The following KHDRBS3 variants were observed in gnomAD, a reference collection of about 807,000 sequenced individuals.
KHDRBS3 encodes KH RNA binding domain containing, signal transduction associated 3, also known as KH domain-containing, RNA-binding, signal transduction-associated protein 3.
KHDRBS3 carries 23 observed loss-of-function variants against 45.6 expected under a neutral mutation model. The observed-to-expected ratio is 0.50, with a 90% confidence interval of 0.36 to 0.72. The LOEUF (loss-of-function observed/expected upper bound fraction) is 0.72, where lower values mean the gene tolerates loss of function less well. Among genes scored for constraint, KHDRBS3 ranks in the 30% least tolerant of loss-of-function variants. The pLI, the probability that KHDRBS3 is intolerant of heterozygous loss-of-function variation, is 0.00. For synonymous variants in KHDRBS3, 162 were observed against 156.5 expected (o/e 1.04, Z -0.26); for missense variants, 352 against 424.8 (o/e 0.83, Z 1.51).
chr8:135,646,391 A>T (rs1831289683), intron 8 of KHDRBS3, among the ~76,000 whole-genome samples: 1 of 152,178 alleles, frequency 6.6e-6, no homozygotes, highest in African/African-American at 2.4e-5. Flanking sequence ...ATCTGACATT[A>T]TGTCGTTAAA....
intron 2 of KHDRBS3, among the ~76,000 whole-genome samples, chr8:135,535,736 T>G (rs1825713706): frequency 6.6e-6 from 1 of 152,198 alleles, no homozygotes; most frequent in Admixed American, 6.5e-5. Context: ...CATGAAATAT[T>G]TGAGACTGAG....
At position 135,640,390 on chromosome 8, in the gene KHDRBS3, C is replaced by T. The variant is rs73713806; in HGVS notation, c.891-4669C>T. Among the ~76,000 whole-genome samples the T allele has an allele frequency of 8.7e-3, 1,322 of 152,206 alleles. 13 individuals are homozygous for T. Among genetic ancestry groups the T allele is most frequent in the African/African-American group, 0.024 (979 of 41,508 alleles). Reference sequence around the variant, plus strand: ...AGAGGTGGGATGACCTGGGGAAGGTCGACTTCATCCCACTTGAGTCCTTGC... The same window carrying T: ...AGAGGTGGGATGACCTGGGGAAGGTTGACTTCATCCCACTTGAGTCCTTGC... On this transcript the variant is annotated intron_variant, in intron 7 of 8. Coordinates refer to ENST00000355849, the MANE Select transcript of KHDRBS3 (RefSeq NM_006558.3).
chr8:135,464,253 A>G (rs1159641047), intron 1 of KHDRBS3, among the ~76,000 whole-genome samples: 1 of 152,244 alleles, frequency 6.6e-6, no homozygotes, highest in East Asian at 1.9e-4. Flanking sequence ...GTTACTGAAA[A>G]TGTGTTTTAC....
At position 135,534,003 on chromosome 8, in the gene KHDRBS3, G is replaced by A. The variant is rs142100355; in HGVS notation, c.208-8651G>A. ...CTGGAAATAAAGTTTCCTACTGCAC[G>A]TGTTTTGCTTTCACACCATCATAAA... On this transcript the variant is annotated intron_variant, in intron 2 of 8. Transcript: ENST00000355849. Among the ~76,000 whole-genome samples, 168 of 152,266 alleles carry A rather than the reference G, an allele frequency of 1.1e-3. 2 individuals carry two copies. The Middle Eastern group carries it at 0.014, about 12-fold the overall frequency.
chr8:135,630,760 A>G (rs923393238), intron 7 of KHDRBS3, among the ~76,000 whole-genome samples: 2 of 152,150 alleles, frequency 1.3e-5, no homozygotes, highest in African/African-American at 4.8e-5. Context: ...TAGAAAAGAT[A>G]CAGTAAAAAT....
At chr8:135,481,615 C>T (rs1361164947) in intron 1 of KHDRBS3, among the ~76,000 whole-genome samples, 2 of 152,168 alleles carry the variant, frequency 1.3e-5, no homozygotes, top group Admixed American at 6.5e-5. Flanking sequence ...GTCTACCAGC[C>T]AAATAATTTC....
At chr8:135,469,020 C>T (rs1821841742) in intron 1 of KHDRBS3, among the ~76,000 whole-genome samples, 1 of 152,206 alleles carries the variant, frequency 6.6e-6, no homozygotes, top group Non-Finnish European at 1.5e-5. Context: ...CAAGGCATAG[C>T]CATACTGCAG....
chr8:135,516,128 G>T (rs1713052616), intron 1 of KHDRBS3, among the ~76,000 whole-genome samples: 1 of 152,168 alleles, frequency 6.6e-6, no homozygotes, highest in African/African-American at 2.4e-5. Flanking sequence ...AGTACTGTAG[G>T]CAGTTGTAAC....
chr8:135,529,574 G>C (rs560421626), intron 2 of KHDRBS3, among the ~76,000 whole-genome samples: 1 of 152,086 alleles, frequency 6.6e-6, no homozygotes, highest in South Asian at 2.1e-4. Context: ...ATATATTGAG[G>C]GGTTCCTGAA....
intron 7 of KHDRBS3, among the ~76,000 whole-genome samples, chr8:135,609,569 A>C (rs143569670): frequency 6.6e-6 from 1 of 152,116 alleles, no homozygotes; most frequent in Non-Finnish European, 1.5e-5. Flanking sequence ...AGCTGGGATT[A>C]CAGGTGTGAG....
intron 5 of KHDRBS3, among the ~76,000 whole-genome samples, chr8:135,560,978 C>T (rs1373867216): frequency 6.6e-6 from 1 of 152,194 alleles, no homozygotes; most frequent in African/African-American, 2.4e-5. Flanking sequence ...TCCTTGGTCC[C>T]AAGTCCTTTA....
downstream of KHDRBS3, among the ~76,000 whole-genome samples, chr8:135,651,611 T>C (rs1454714191): frequency 1.3e-5 from 2 of 152,154 alleles, no homozygotes; most frequent in African/African-American, 4.8e-5. Context: ...AAGCTTGGCC[T>C]ACTCCATTCC....
intron 6 of KHDRBS3, among the ~76,000 whole-genome samples, chr8:135,595,096 A>T (rs1828916354): frequency 6.6e-6 from 1 of 152,220 alleles, no homozygotes; most frequent in South Asian, 2.1e-4. Flanking sequence ...ATGAAAGAAG[A>T]ATGGCACAGA....
intron 2 of KHDRBS3, among the ~76,000 whole-genome samples, chr8:135,532,083 T>A (rs1437718662): frequency 1.3e-5 from 2 of 152,112 alleles, no homozygotes; most frequent in Non-Finnish European, 2.9e-5. Flanking sequence ...AAGAAACAAG[T>A]GTTTTGTTTC....
chr8:135,589,785 C>T (rs1393156962), intron 6 of KHDRBS3, among the ~76,000 whole-genome samples: 1 of 152,170 alleles, frequency 6.6e-6, no homozygotes, highest in Non-Finnish European at 1.5e-5. Flanking sequence ...TTTGGAGATA[C>T]TAAGTAAATA....
At chr8:135,561,533 T>A (rs943326467) in intron 5 of KHDRBS3, among the ~76,000 whole-genome samples, 1 of 120,726 alleles carries the variant, frequency 8.3e-6, no homozygotes, top group African/African-American at 2.7e-5. Flanking sequence ...CCAGAATAAG[T>A]AATAAGTTTT....
At chr8:135,465,727 ATT>A (rs945607469) in intron 1 of KHDRBS3, among the ~76,000 whole-genome samples, 70 of 152,276 alleles carry the variant, frequency 4.6e-4, no homozygotes, top group African/African-American at 1.7e-3. Flanking sequence ...TAAGCTGTAA[ATT>A]TCCATAATTT....
At chr8:135,524,407 AAC>A (rs529514738) in intron 2 of KHDRBS3, among the ~76,000 whole-genome samples, 20 of 152,298 alleles carry the variant, frequency 1.3e-4, no homozygotes, top group African/African-American at 4.6e-4. Flanking sequence ...TTTCTCAGAG[AAC>A]ATATATCAGA....
In KHDRBS3 at chr8:135,536,757, G is replaced by C. The variant is rs1278370628; in HGVS notation, c.208-5897G>C. On this transcript the variant is annotated intron_variant, in intron 2 of 8. Transcript: ENST00000355849. ...GGGTGGATCATGAGGTCAGGAGATCGAGACCATCCTGGCTAACAAGGTGAA... is the reference window on the plus strand; with the variant it reads ...GGGTGGATCATGAGGTCAGGAGATCCAGACCATCCTGGCTAACAAGGTGAA... 2.0e-5 allele frequency among the ~76,000 whole-genome samples: 3 copies of C among 150,552 alleles called. 1 individual carries two copies. The East Asian group carries it at 5.9e-4, about 30-fold the overall frequency.
Sources: gnomAD v4.1 joint callset for allele counts (sites outside exome capture counted in the v4.1 genomes callset) on GRCh38, gnomAD v4.1.1 for gene constraint, MANE v1.5 for transcripts, NCBI Gene and HGNC (gene_info 2026-07-23, HGNC 2026-07-21) for gene names.